The following HMCN1 variants were observed in gnomAD, a reference collection of about 807,000 sequenced individuals.
HMCN1 encodes the protein hemicentin-1.
A neutral mutation model predicts 625.9 loss-of-function variants in HMCN1; 321 were observed. The observed-to-expected ratio is 0.51, with a 90% CI of 0.47 to 0.56. The LOEUF (loss-of-function observed/expected upper bound fraction) is 0.56. Among genes scored for constraint, HMCN1 ranks in the 20% least tolerant of loss-of-function variants. HMCN1 has a pLI of 0.00. For missense variants in HMCN1, 6,588 were observed against 6,887.3 expected (o/e 0.96, Z 1.54); for synonymous variants, 2,425 against 2,417.6 (o/e 1.00, Z -0.09).
At chr1:186,186,961 C>G (rs1437361299) in intron 105 of HMCN1, among the ~76,000 whole-genome samples, 3 of 149,614 alleles carry the variant, frequency 2.0e-5, no homozygotes, top group Admixed American at 6.7e-5. Flanking sequence ...GAAAATCCAA[C>G]CATCAATCAA....
chr1:186,151,549 A>G, intron 94 of HMCN1, 57 bp from the exon 95 acceptor site: 1 of 1,516,018 alleles, frequency 6.6e-7, no homozygotes, highest in Non-Finnish European at 9.1e-7. Context: ...TGCTATGAAG[A>G]CAATAAAATA....
chr1:185,755,156 A>C (rs910467725), intron 1 of HMCN1, among the ~76,000 whole-genome samples: 7 of 152,208 alleles, frequency 4.6e-5, no homozygotes, highest in Non-Finnish European at 1.0e-4. Flanking sequence ...TTTGTGATAG[A>C]GATATATTGA....
At chr1:185,954,185 C>T (rs967857306) in intron 11 of HMCN1, among the ~76,000 whole-genome samples, 4 of 152,062 alleles carry the variant, frequency 2.6e-5, no homozygotes, top group Non-Finnish European at 4.4e-5. Flanking sequence ...ACAGGGGATG[C>T]GATGGCTTGG....
At chr1:185,949,537 C>T (rs1467412760) in intron 11 of HMCN1, among the ~76,000 whole-genome samples, 13 of 151,248 alleles carry the variant, frequency 8.6e-5, no homozygotes, top group Non-Finnish European at 1.0e-4. Context: ...TTCTTGAAGA[C>T]GGAGGACCGT....
At chr1:186,018,457 G>A in intron 34 of HMCN1, 105 bp downstream of exon 34, 4 of 1,151,240 alleles carry the variant, frequency 3.5e-6, no homozygotes, top group South Asian at 1.3e-5. Flanking sequence ...ATCCTGAGTT[G>A]TGGAAGGTAG....
intron 1 of HMCN1, among the ~76,000 whole-genome samples, chr1:185,767,303 G>A (rs1376022916): frequency 6.6e-6 from 1 of 152,096 alleles, no homozygotes; most frequent in African/African-American, 2.4e-5. Context: ...CAATAATTGA[G>A]CAAAGGCATG....
chr1:185,963,269 C>G lies in HMCN1; in HGVS notation c.1971-499C>G, dbSNP rs548381982. The stretch of plus-strand genomic sequence containing the variant: ...GCAGTGAAGAAGTCATACGTGTGAT[C>G]CAGCCAGTTGAGCCAGATTCTATTC... On this transcript the variant is annotated intron_variant, in intron 12 of 106. Transcript: ENST00000271588. Among the ~76,000 whole-genome samples the G allele has an allele frequency of 2.6e-5, 4 of 152,264 alleles. No homozygotes were observed. In the East Asian group the frequency reaches 5.8e-4, roughly 22 times the overall value.
intron 1 of HMCN1, among the ~76,000 whole-genome samples, chr1:185,804,241 CAT>C (rs1192319379): frequency 1.3e-5 from 2 of 151,926 alleles, no homozygotes; most frequent in Non-Finnish European, 2.9e-5. Flanking sequence ...AACAATTACC[CAT>C]AGAGTATTAC....
At chr1:186,026,986 A>G (rs1287111211) in intron 36 of HMCN1, among the ~76,000 whole-genome samples, 2 of 152,162 alleles carry the variant, frequency 1.3e-5, no homozygotes, top group Non-Finnish European at 2.9e-5. Context: ...CATTCAGCAA[A>G]TGTGCATTTA....
At chr1:185,738,789 T>C (rs1442439549) in intron 1 of HMCN1, among the ~76,000 whole-genome samples, 1 of 152,352 alleles carries the variant, frequency 6.6e-6, no homozygotes, top group East Asian at 1.9e-4. Flanking sequence ...AAGCTCTTCT[T>C]AGAGTTAAAA....
chr1:186,140,617 TAG>T lies in HMCN1; in HGVS notation c.13924+2648_13924+2649del, dbSNP rs1649897770. On this transcript the variant is annotated intron_variant, in intron 89 of 106. Coordinates refer to ENST00000271588, the MANE Select transcript of HMCN1 (RefSeq NM_031935.3). The stretch of plus-strand genomic sequence containing the variant: ...TTAATAAGTATTTTGTAGGGAAACT[TAG>T]AGTCTCTATAAACATCTTATCAACC... 2.0e-5 allele frequency among the ~76,000 whole-genome samples: 3 copies of T among 152,320 alleles called. No homozygotes were observed. In the South Asian group the frequency reaches 6.2e-4, roughly 32 times the overall value.
chr1:186,077,070 G>GGAATAA (rs1658866517), intron 54 of HMCN1, among the ~76,000 whole-genome samples: 4 of 152,188 alleles, frequency 2.6e-5, no homozygotes, highest in Non-Finnish European at 5.9e-5. Flanking sequence ...TTGCAAAGAT[G>GGAATAA]TTTAAACTGT....
At chr1:186,030,690 T>A (rs1558158447) in intron 36 of HMCN1, among the ~76,000 whole-genome samples, 1 of 152,018 alleles carries the variant, frequency 6.6e-6, no homozygotes, top group Admixed American at 6.5e-5. Context: ...ATTTAACTAC[T>A]GATGTGGTAG....
At chr1:185,869,500 A>T (rs1012778617) in intron 4 of HMCN1, among the ~76,000 whole-genome samples, 1 of 152,142 alleles carries the variant, frequency 6.6e-6, no homozygotes, top group Non-Finnish European at 1.5e-5. Context: ...GCTAGAAATT[A>T]GATGTCTGAT....
intron 105 of HMCN1, among the ~76,000 whole-genome samples, chr1:186,186,135 T>C (rs1000818914): frequency 4.6e-5 from 7 of 152,226 alleles, no homozygotes; most frequent in African/African-American, 1.7e-4. Flanking sequence ...GGCCACTATA[T>C]AATTTGAAAG....
chr1:186,063,066 GCATATA>G (rs1278139136), intron 48 of HMCN1, among the ~76,000 whole-genome samples: 43 of 29,938 alleles, frequency 1.4e-3, no homozygotes, highest in African/African-American at 3.3e-3. Context: ...GTGTGTGTGT[GCATATA>G]TATATATATA....
chr1:186,057,046 C>T, intron 45 of HMCN1, among the ~76,000 whole-genome samples, 188 bp from the exon 46 acceptor site: 1 of 151,594 alleles, frequency 6.6e-6, no homozygotes, highest in Admixed American at 6.6e-5. Context: ...CACACACACA[C>T]ACACACACAC....
At chr1:185,824,989 T>C (rs1376390954) in intron 1 of HMCN1, among the ~76,000 whole-genome samples, 1 of 152,126 alleles carries the variant, frequency 6.6e-6, no homozygotes, top group Admixed American at 6.5e-5. Flanking sequence ...ATGATTACTA[T>C]AATGGCTGAT....
At chr1:185,739,725 G>A (rs1050198251) in intron 1 of HMCN1, among the ~76,000 whole-genome samples, 18 of 152,170 alleles carry the variant, frequency 1.2e-4, no homozygotes, top group Non-Finnish European at 2.2e-4. Context: ...ACATTCTATT[G>A]CAGGGGTGGG....
Sources: gnomAD v4.1 joint callset for allele counts (sites outside exome capture counted in the v4.1 genomes callset) on GRCh38, gnomAD v4.1.1 for gene constraint, MANE v1.5 for transcripts, NCBI Gene and HGNC (gene_info 2026-07-23, HGNC 2026-07-21) for gene names.